Variants in KDM6A observed in about 807,000 individuals in gnomAD.
The protein encoded by KDM6A is lysine demethylase 6A, also known as lysine-specific demethylase 6A.
In KDM6A, 11 loss-of-function variants were observed where a neutral mutation model predicts 117.6. That is an observed-to-expected ratio of 0.09 (90% CI 0.06 to 0.15). KDM6A has a LOEUF of 0.15. Ranked by LOEUF, KDM6A falls within the 10% of genes least tolerant of loss-of-function variation. The pLI, the probability that KDM6A is intolerant of heterozygous loss-of-function variation, is 1.00. For synonymous variants in KDM6A, 384 were observed against 396.1 expected, an observed-to-expected ratio of 0.97 and a Z score of 0.36; for missense variants, 799 against 1,077.3, an observed-to-expected ratio of 0.74 and a Z score of 3.62.
At chrX:44,921,006 C>G (rs1379437685) in intron 2 of KDM6A, among the ~76,000 whole-genome samples, 2 of 107,583 alleles carry the variant, frequency 1.9e-5, no homozygotes, top group Non-Finnish European at 3.8e-5. Flanking sequence ...TCCCCAGTAG[C>G]TGGGACTACA....
intron 4 of KDM6A, among the ~76,000 whole-genome samples, chrX:44,995,775 A>G (rs2040836898): frequency 9.0e-6 from 1 of 111,509 alleles, no homozygotes. Flanking sequence ...GCCTGTTGGG[A>G]TACTTTTAAA....
chrX:44,876,892 TAC>T (rs199584511), intron 2 of KDM6A, among the ~76,000 whole-genome samples: 436 of 111,207 alleles, frequency 3.9e-3, no homozygotes, highest in African/African-American at 0.013. Flanking sequence ...TATACATATA[TAC>T]ACACGTATAC....
intron 2 of KDM6A, among the ~76,000 whole-genome samples, chrX:44,955,843 G>T (rs767955682): frequency 7.2e-5 from 8 of 110,683 alleles, no homozygotes; most frequent in Non-Finnish European, 1.3e-4. Context: ...ATTTTACAGG[G>T]TTGTACTTAG....
intron 2 of KDM6A, among the ~76,000 whole-genome samples, chrX:44,909,607 G>C (rs1179764373): frequency 2.7e-5 from 3 of 111,227 alleles, no homozygotes. Context: ...TACTAATACC[G>C]TAGAGTATTA....
At position 45,011,001 on chromosome X, in the gene KDM6A, A is replaced by G; in HGVS notation, c.425A>G (p.His142Arg). The G allele has an allele frequency of 5.0e-6, 6 of 1,193,264 alleles. No homozygotes were observed. The highest frequency in any genetic ancestry group is 6.8e-6 in the Non-Finnish European group (6 of 879,388). The change falls in exon 5 of 30, where the codon CAT becomes CGT. Residue 142 changes from histidine to arginine, a missense_variant. Coordinates refer to ENST00000611820, the MANE Select transcript of KDM6A (RefSeq NM_001291415.2). ...FLYGLGLVYF[H>R]YNAFQWAIKA... ...TATGGTCTTGGTTTGGTCTACTTCC[A>G]TTATAATGCATTTCAGTGGTAAGTT...
At chrX:44,909,732 T>C (rs1482359919) in intron 2 of KDM6A, among the ~76,000 whole-genome samples, 1 of 112,164 alleles carries the variant, frequency 8.9e-6, no homozygotes, top group Admixed American at 9.5e-5. Context: ...TTATTTCAGA[T>C]GCTAGTCTAA....
intron 4 of KDM6A, 65 bp from the exon 5 acceptor site, chrX:45,010,896 A>G (rs2041723924): frequency 2.5e-6 from 2 of 815,671 alleles, no homozygotes; most frequent in East Asian, 3.2e-5. Flanking sequence ...GTATTTTACA[A>G]TAATAACATC....
chrX:45,028,179 G>A (rs1215247308), intron 6 of KDM6A, among the ~76,000 whole-genome samples: 1 of 111,804 alleles, frequency 8.9e-6, no homozygotes, highest in Non-Finnish European at 1.9e-5. Flanking sequence ...AGCAAACTAA[G>A]TTTGGGGCCA....
chrX:44,891,731 AC>A (rs951761045), intron 2 of KDM6A, among the ~76,000 whole-genome samples: 1 of 111,918 alleles, frequency 8.9e-6, no homozygotes, highest in Non-Finnish European at 1.9e-5. Flanking sequence ...CGTCCACCCT[AC>A]TGCCGTGTCC....
intron 27 of KDM6A, among the ~76,000 whole-genome samples, chrX:45,099,920 G>A (rs1249394023): frequency 9.0e-6 from 1 of 110,534 alleles, no homozygotes; most frequent in Non-Finnish European, 1.9e-5. Flanking sequence ...TGTAGTCCCA[G>A]CTACTTGGGA....
chrX:45,008,716 C>T (rs1239397206), intron 4 of KDM6A, among the ~76,000 whole-genome samples: 1 of 111,173 alleles, frequency 9.0e-6, no homozygotes, highest in Non-Finnish European at 1.9e-5. Flanking sequence ...CAAGTAAATG[C>T]TCAGATTATT....
intron 27 of KDM6A, among the ~76,000 whole-genome samples, chrX:45,093,381 A>AAACC (rs2045971283): frequency 9.3e-6 from 1 of 107,111 alleles, no homozygotes; most frequent in Non-Finnish European, 1.9e-5. Flanking sequence ...TCTCAAAAAA[A>AAACC]AAACAAACAA....
intron 25 of KDM6A, among the ~76,000 whole-genome samples, chrX:45,087,951 C>T (rs772597037): frequency 3.6e-5 from 4 of 111,332 alleles, no homozygotes; most frequent in Non-Finnish European, 7.5e-5. Flanking sequence ...TATACTGTAT[C>T]TGTAGTTTAT....
intron 2 of KDM6A, among the ~76,000 whole-genome samples, chrX:44,929,030 G>C (rs1254184082): frequency 1.8e-5 from 2 of 110,403 alleles, no homozygotes; most frequent in African/African-American, 3.3e-5. Context: ...TCCTGGGTTC[G>C]AGTGATTCTC....
At chrX:44,940,699 A>G (rs1569463169) in intron 2 of KDM6A, among the ~76,000 whole-genome samples, 1 of 111,896 alleles carries the variant, frequency 8.9e-6, no homozygotes, top group South Asian at 3.7e-4. Context: ...TCATTGTACA[A>G]AAATGCTTTA....
chrX:44,958,179 G>GA (rs1430656496), intron 2 of KDM6A, among the ~76,000 whole-genome samples: 2 of 103,615 alleles, frequency 1.9e-5, no homozygotes, highest in African/African-American at 7.6e-5. Context: ...ATTCTTTAAT[G>GA]AATTTTTTTT....
chrX:44,876,144 C>T (rs1569320582), intron 2 of KDM6A, among the ~76,000 whole-genome samples: 1 of 111,558 alleles, frequency 9.0e-6, no homozygotes, highest in Non-Finnish European at 1.9e-5. Flanking sequence ...GCTTCAGACT[C>T]AGTGCTTGTG....
chrX:45,008,895 TG>T (rs1484699103), intron 4 of KDM6A, among the ~76,000 whole-genome samples: 1 of 112,026 alleles, frequency 8.9e-6, no homozygotes, highest in Non-Finnish European at 1.9e-5. Flanking sequence ...TTCGGAAAAT[TG>T]GGGGTAATGA....
intron 25 of KDM6A, among the ~76,000 whole-genome samples, chrX:45,088,057 C>T (rs796696730): frequency 4.6e-5 from 5 of 109,177 alleles, no homozygotes; most frequent in South Asian, 3.9e-4. Flanking sequence ...ATTTTTGGGG[C>T]GGGGGGTGTC....
Sources: gnomAD v4.1 joint callset for allele counts (sites outside exome capture counted in the v4.1 genomes callset) on GRCh38, gnomAD v4.1.1 for gene constraint, MANE v1.5 for transcripts, NCBI Gene and HGNC (gene_info 2026-07-23, HGNC 2026-07-21) for gene names.